Variants in PRDM15 observed in about 807,000 individuals in gnomAD.
The protein encoded by PRDM15 is PR domain zinc finger protein 15.
PRDM15 carries 64 observed loss-of-function variants against 128.6 expected under a neutral mutation model. That is an observed-to-expected ratio of 0.50 (90% CI 0.41 to 0.61). The LOEUF is 0.61. PRDM15 is among the 20% of genes least tolerant of loss of function. PRDM15 has a pLI of 0.00. For synonymous variants in PRDM15, 615 were observed against 621.8 expected (o/e 0.99, Z 0.16); for missense variants, 1,242 against 1,569.1 (o/e 0.79, Z 3.52).
intron 21 of PRDM15, among the ~76,000 whole-genome samples, chr21:41,806,195 C>T (rs867029331): frequency 1.3e-4 from 1 of 7,850 alleles, no homozygotes; most frequent in Non-Finnish European, 2.4e-4. Context: ...ACCATCACCA[C>T]CACCACCATC....
intron 18 of PRDM15, among the ~76,000 whole-genome samples, 182 bp from the exon 19 acceptor site, chr21:41,816,018 G>A (rs1455870570): frequency 6.6e-6 from 1 of 152,250 alleles, no homozygotes; most frequent in Non-Finnish European, 1.5e-5. Context: ...ACTGTGCCCA[G>A]AGGCCGGGAG....
rs148258449 is a variant in PRDM15 at position 41,820,902 on chromosome 21, G to A, written c.2060+165C>T. ...ATAAACCCCAGCCCTGCTGCCCCTA[G>A]CCCAGCTGCCCCCGAGCCCTGCTGC... On this transcript the variant is annotated intron_variant, in intron 16 of 23. Transcript: ENST00000398548. 2.5e-3 allele frequency among the ~76,000 whole-genome samples: 379 copies of A among 152,244 alleles called. 4 individuals carry two copies. Among genetic ancestry groups the A allele is most frequent in the South Asian group, 0.016 (77 of 4,822 alleles).
In PRDM15 at chr21:41,859,253, A is replaced by G; in HGVS notation, c.131+339T>C. 1 of 1,608,312 alleles carries G rather than the reference A, an allele frequency of 6.2e-7. No individual in the cohort carries two copies. Among genetic ancestry groups the G allele is most frequent in the East Asian group, 2.2e-5 (1 of 44,758 alleles). ...CCTGGAATGCAGAGAGAAGCCAACGAGCAGACCTCCAGCTTGGCTGCTGGT... is the reference window on the plus strand; with the variant it reads ...CCTGGAATGCAGAGAGAAGCCAACGGGCAGACCTCCAGCTTGGCTGCTGGT... On this transcript the variant is annotated intron_variant, in intron 3 of 23. Transcript: ENST00000398548. This position sits in a 1 kb window ranked among gnomAD's most constrained non-coding sequence, Gnocchi z 5.3.
At chr21:41,868,186 T>C (rs2064081440) in intron 1 of PRDM15, among the ~76,000 whole-genome samples, 1 of 152,350 alleles carries the variant, frequency 6.6e-6, no homozygotes, top group South Asian at 2.1e-4. Context: ...TGCTGAATAA[T>C]ATTCCATGAT....
Position 41,835,844 on chromosome 21 carries a change from T to C in PRDM15, c.1278+269A>G, listed in dbSNP as rs7283352. Among the ~76,000 whole-genome samples, 50,835 of 148,404 alleles carry C rather than the reference T, an allele frequency of 0.34. 9,197 individuals carry two copies. The highest frequency in any genetic ancestry group is 0.53 in the East Asian group (2,682 of 5,024). ...CAGGGACGCCAGGACACCCACAGCCTTCACCCGCTCTCATCCCTCCTGGGA... is the reference window on the plus strand; with the variant it reads ...CAGGGACGCCAGGACACCCACAGCCCTCACCCGCTCTCATCCCTCCTGGGA... On this transcript the variant is annotated intron_variant, in intron 10 of 23. Coordinates refer to ENST00000398548, the MANE Select transcript of PRDM15 (RefSeq NM_001040424.3).
intron 14 of PRDM15, 89 bp from the exon 15 acceptor site, chr21:41,822,126 C>G (rs2062298182): frequency 6.4e-7 from 1 of 1,568,646 alleles, no homozygotes; most frequent in Non-Finnish European, 8.7e-7. Flanking sequence ...AATCATTTCC[C>G]CAGATGCAGA....
At chr21:41,877,579 A>T (rs751643130) in intron 1 of PRDM15, 2 of 152,150 alleles carry the variant, frequency 1.3e-5, no homozygotes, top group African/African-American at 2.4e-5. Context: ...AGTTGCCTTA[A>T]ATCTCCCTTC....
intron 14 of PRDM15, chr21:41,823,108 T>C: frequency 1.6e-6 from 1 of 621,872 alleles, no homozygotes; most frequent in Non-Finnish European, 2.9e-6. Context: ...GAGGACACAG[T>C]GAGAAGGCGC....
chr21:41,821,829 G>T lies in PRDM15; in HGVS notation c.1896+74C>A. 1.3e-6 allele frequency: 2 copies of T among 1,581,848 alleles called. No homozygotes were observed. The highest frequency in any genetic ancestry group is 1.7e-6 in the Non-Finnish European group (2 of 1,158,734). On this transcript the variant is annotated intron_variant, in intron 15 of 23. Transcript: ENST00000398548. This position sits in a 1 kb window ranked among gnomAD's most constrained non-coding sequence, Gnocchi z 5.4. ...CGAGATGCATGAAGGTGCCTGCTGTGTGGGGCCCACAGCCTTGAAACGACC... is the reference window on the plus strand; with the variant it reads ...CGAGATGCATGAAGGTGCCTGCTGTTTGGGGCCCACAGCCTTGAAACGACC...
rs186524156 is a variant in PRDM15, at chr21:41,854,028, C to T, written c.538+538G>A. Among the ~76,000 whole-genome samples the T allele has an allele frequency of 2.3e-4, 35 of 152,354 alleles. No individual in the cohort carries two copies. Among genetic ancestry groups the T allele is most frequent in the African/African-American group, 8.2e-4 (34 of 41,592 alleles). On this transcript the variant is annotated intron_variant, in intron 5 of 23. Coordinates refer to ENST00000398548, the MANE Select transcript of PRDM15 (RefSeq NM_001040424.3). This position sits in a 1 kb window ranked among gnomAD's most constrained non-coding sequence, Gnocchi z 4.6. ...ACGTAGCCCCCAGGGCAGAGCTAAG[C>T]AGTCATGCGCCATGTGACAAGGTTT...
chr21:41,827,055 A>C (rs1035991331), intron 12 of PRDM15, among the ~76,000 whole-genome samples: 2 of 152,168 alleles, frequency 1.3e-5, no homozygotes, highest in African/African-American at 2.4e-5. Context: ...CAGCAATGCT[A>C]GGGATTCAGG....
intron 6 of PRDM15, among the ~76,000 whole-genome samples, chr21:41,840,544 T>C (rs1601328427): frequency 1.3e-5 from 2 of 150,228 alleles, no homozygotes; most frequent in East Asian, 2.0e-4. Flanking sequence ...CCAGAGTGCA[T>C]GGAAGGACCA....
rs1363554230 is a variant in PRDM15, at chr21:41,801,102, C to A, written c.*138G>T. 3.2e-6 allele frequency: 4 copies of A among 1,253,398 alleles called. No homozygotes were observed. The highest frequency in any genetic ancestry group is 4.8e-5 in the East Asian group (2 of 41,742). 77.6% of individuals were successfully genotyped at this position (1,253,398 alleles called of 1,614,324 possible). A position where few individuals can be genotyped will look rare whatever the true frequency, so the allele number is the denominator to read the frequency against. On this transcript the variant is annotated 3_prime_UTR_variant, in exon 24 of 24. Transcript: ENST00000398548. ...ACCGTAATGGTTGCTGGCGGGGGAT[C>A]TGGAGATACTCTGCAAAGCTAAGTC...
Position 41,836,114 on chromosome 21 carries a change from T to C in PRDM15, c.1277A>G (p.Glu426Gly). ...QHVSYKHSRN[E>G]VDGEYRYRCG... ...AACCCTGGGCTTGTTTCCACCCACC[T>C]CGTTCCTGCTGTGCTTGTAGGAAAC... The change falls in exon 10 of 24, where the codon GAG (glutamate) becomes GGG (glycine). Residue 426 changes from glutamate to glycine, a missense_variant and splice_region_variant. Transcript: ENST00000398548. 1 of 1,611,556 alleles carries C rather than the reference T, an allele frequency of 6.2e-7. No homozygotes were observed. The highest frequency in any genetic ancestry group is 8.5e-7 in the Non-Finnish European group (1 of 1,178,282).
intron 1 of PRDM15, among the ~76,000 whole-genome samples, chr21:41,868,204 C>A (rs1005975455): frequency 1.3e-5 from 2 of 152,154 alleles, no homozygotes; most frequent in African/African-American, 4.8e-5. Flanking sequence ...GATTCGAGTG[C>A]ATTACCGTTT....
chr21:41,821,759 C>T lies in PRDM15; in HGVS notation c.1896+144G>A. 2.1e-6 allele frequency: 2 copies of T among 967,978 alleles called. No individual in the cohort carries two copies. Among genetic ancestry groups the T allele is most frequent in the Non-Finnish European group, 3.1e-6 (2 of 639,214 alleles). The allele number at this position is 967,978 out of a possible 1,614,324, so 60.0% of individuals were successfully genotyped here. ...AAGTGATGGACAGGCACCCAGTCTGCAGTAGGACCACTGGCCGGAGCCTTT... is the reference window on the plus strand; with the variant it reads ...AAGTGATGGACAGGCACCCAGTCTGTAGTAGGACCACTGGCCGGAGCCTTT... On this transcript the variant is annotated intron_variant, in intron 15 of 23. Transcript: ENST00000398548. The surrounding 1 kb of genome is among the most constrained non-coding windows in gnomAD (Gnocchi z 5.4).
chr21:41,833,779 T>C (rs2062775956), intron 11 of PRDM15, among the ~76,000 whole-genome samples: 3 of 152,200 alleles, frequency 2.0e-5, no homozygotes, highest in African/African-American at 7.2e-5. Flanking sequence ...GCTGCTGCCT[T>C]AGCCGCTTCT....
At position 41,802,747 on chromosome 21, in the gene PRDM15, C is replaced by T. The variant is rs769264843; in HGVS notation, c.2908G>A (p.Asp970Asn). ...KETEFTGSVG[D>N]ETNSAVQSIQ... ...CTCTGTACTGCGGAATTGGTCTCGT[C>T]GCCTACACTGCCTGTGAACTCCGTC... The change falls in exon 23 of 24, where the codon GAC (aspartate) becomes AAC (asparagine). Residue 970 changes from aspartate (D) to asparagine (N), a missense_variant. Physicochemically the swap from Asp to Asn is conservative, Grantham distance 23. Coordinates refer to ENST00000398548, the MANE Select transcript of PRDM15 (RefSeq NM_001040424.3). 4 of 1,614,078 alleles carry T rather than the reference C, an allele frequency of 2.5e-6. No homozygotes were observed. Among genetic ancestry groups the T allele is most frequent in the African/African-American group, 1.3e-5 (1 of 74,926 alleles).
At chr21:41,818,956 A>T (rs1223990397) in intron 18 of PRDM15, among the ~76,000 whole-genome samples, 2 of 152,192 alleles carry the variant, frequency 1.3e-5, no homozygotes, top group African/African-American at 4.8e-5. Context: ...AGCCGATTCT[A>T]GTCTGCGTAG....
Sources: gnomAD v4.1 joint callset for allele counts (sites outside exome capture counted in the v4.1 genomes callset) on GRCh38, gnomAD v4.1.1 for gene constraint, Gnocchi (gnomAD v3.1) non-coding constraint, MANE v1.5 for transcripts, NCBI Gene and HGNC (gene_info 2026-07-23, HGNC 2026-07-21) for gene names.